CLCA4: variants seen among roughly 807,000 people sequenced by gnomAD.
The protein encoded by CLCA4 is chloride channel accessory 4.
In CLCA4, 69 loss-of-function variants were observed where a neutral mutation model predicts 78.9. The observed-to-expected ratio is 0.87, with a 90% CI of 0.72 to 1.07. CLCA4 has a LOEUF of 1.07. Among genes scored for constraint, CLCA4 ranks in the 50% least tolerant of loss-of-function variants. The pLI is 0.00. For missense variants in CLCA4, 1,133 were observed against 1,095.8 expected (o/e 1.03, Z -0.48); for synonymous variants, 362 against 375.8 (o/e 0.96, Z 0.42).
intron 1 of CLCA4, chr1:86,553,179 T>C (rs1309081765): frequency 6.2e-6 from 7 of 1,135,112 alleles, no homozygotes; most frequent in East Asian, 2.4e-5. Flanking sequence ...GCGGCACAGG[T>C]TGGGCTCCAC....
intron 1 of CLCA4, chr1:86,552,513 G>A (rs1649695835): frequency 2.0e-6 from 1 of 506,902 alleles, no homozygotes. Flanking sequence ...AGAATCAGCA[G>A]ACAGGGCAGC....
rs1043323690 is a variant in CLCA4 at position 86,567,768 on chromosome 1, G to A, written c.1182+117G>A. The stretch of plus-strand genomic sequence containing the variant: ...AATTTTAACATAACTAATCCTAAGA[G>A]GCACAGGACTAAGCATATAGAAAAA... On this transcript the variant is annotated intron_variant, in intron 7 of 13. Coordinates refer to ENST00000370563, the MANE Select transcript of CLCA4 (RefSeq NM_012128.4). The A allele has an allele frequency of 7.6e-6, 6 of 787,392 alleles. No individual in the cohort carries two copies. The East Asian group carries it at 1.3e-4, about 18-fold the overall frequency. The allele number at this position is 787,392 out of a possible 1,614,324, so 48.8% of individuals were successfully genotyped here.
At chr1:86,556,569 C>T (rs1649851714) in intron 1 of CLCA4, among the ~76,000 whole-genome samples, 1 of 152,094 alleles carries the variant, frequency 6.6e-6, no homozygotes, top group African/African-American at 2.4e-5. Flanking sequence ...TTTTGGTGAG[C>T]TGCTGGATTC....
rs1570314304 is a variant in CLCA4 at position 86,547,111 on chromosome 1, A to T, written c.-9A>T. On this transcript the variant is annotated 5_prime_UTR_variant, in exon 1 of 14. Coordinates refer to ENST00000370563, the MANE Select transcript of CLCA4 (RefSeq NM_012128.4). ...CAACATTTGAGCCAGGAATAACTAG[A>T]GAGGAACAATGGGGTTATTCAGAGG... is the stretch of plus-strand genomic sequence containing the variant. The T allele has an allele frequency of 1.9e-6, 3 of 1,596,758 alleles. No homozygotes were observed. The East Asian group carries it at 6.7e-5, about 36-fold the overall frequency.
chr1:86,567,947 T>C (rs533248900), intron 7 of CLCA4, among the ~76,000 whole-genome samples: 136 of 152,148 alleles, frequency 8.9e-4, no homozygotes, highest in African/African-American at 3.0e-3. Context: ...AAATGTTAGT[T>C]AAATAAGTGT....
intron 1 of CLCA4, chr1:86,552,961 C>T (rs1649710955): frequency 6.3e-6 from 4 of 631,844 alleles, no homozygotes; most frequent in Non-Finnish European, 1.1e-5. Context: ...GGTGACTGGG[C>T]AAAGGTTAGA....
intron 1 of CLCA4, among the ~76,000 whole-genome samples, chr1:86,554,225 A>G (rs1362139762): frequency 1.3e-5 from 2 of 152,122 alleles, no homozygotes; most frequent in African/African-American, 4.8e-5. Context: ...ACCTCCCATT[A>G]TAAGTGAGAA....
chr1:86,556,551 G>T (rs1649850999), intron 1 of CLCA4, among the ~76,000 whole-genome samples: 1 of 152,142 alleles, frequency 6.6e-6, no homozygotes, highest in African/African-American at 2.4e-5. Flanking sequence ...GATCATGGTG[G>T]ATTTGCTTTT....
At chr1:86,577,386 G>A (rs1650550892) in intron 11 of CLCA4, among the ~76,000 whole-genome samples, 2 of 152,052 alleles carry the variant, frequency 1.3e-5, no homozygotes, top group African/African-American at 4.8e-5. Flanking sequence ...AGAATGCTGG[G>A]ACCTTTCCCT....
chr1:86,562,626 G>T (rs1441515061), intron 3 of CLCA4, among the ~76,000 whole-genome samples: 2 of 151,170 alleles, frequency 1.3e-5, no homozygotes, highest in African/African-American at 4.8e-5. Flanking sequence ...ACGCTGAGGC[G>T]GGCAGATCAC....
chr1:86,580,664 T>C lies in CLCA4; in HGVS notation c.*319T>C. 1 of 199,078 alleles carries C rather than the reference T, an allele frequency of 5.0e-6. No individual in the cohort carries two copies. Among genetic ancestry groups the C allele is most frequent in the South Asian group, 1.9e-4 (1 of 5,366 alleles). The allele number at this position is 199,078 out of a possible 1,614,324, so 12.3% of individuals were successfully genotyped here. A position where few individuals can be genotyped will look rare whatever the true frequency, so the allele number is the denominator to read the frequency against. On this transcript the variant is annotated 3_prime_UTR_variant, in exon 14 of 14. Coordinates refer to ENST00000370563, the MANE Select transcript of CLCA4 (RefSeq NM_012128.4). Reference sequence around the variant, plus strand: ...TTGATGCAACAGTTTTCTGAAATGATATTTCAAATTGCATCAAGAAATTAA... The same window carrying C: ...TTGATGCAACAGTTTTCTGAAATGACATTTCAAATTGCATCAAGAAATTAA...
intron 9 of CLCA4, among the ~76,000 whole-genome samples, chr1:86,573,989 C>G (rs72955627): frequency 0.059 from 8,936 of 152,084 alleles, 339 homozygotes; most frequent in Middle Eastern, 0.14. Flanking sequence ...CTTGATTTAG[C>G]CATTCCACAA....
intron 1 of CLCA4, 37 bp downstream of exon 1, chr1:86,547,315 G>A (rs867090284): frequency 6.8e-7 from 1 of 1,467,590 alleles, no homozygotes; most frequent in Middle Eastern, 2.4e-4. Context: ...TTAATTTTTA[G>A]TTTTTTACTA....
chr1:86,561,634 A>G (rs1650021569), intron 3 of CLCA4, among the ~76,000 whole-genome samples: 1 of 152,148 alleles, frequency 6.6e-6, no homozygotes, highest in African/African-American at 2.4e-5. Flanking sequence ...TAATGTCCTG[A>G]TTGATAAAAC....
At chr1:86,560,447 T>A in intron 3 of CLCA4, 89 bp downstream of exon 3, 1 of 1,327,262 alleles carries the variant, frequency 7.5e-7, no homozygotes. Flanking sequence ...GGGGCCAAAG[T>A]CCCTAGAATC....
chr1:86,573,455 G>A (rs2101815043), intron 9 of CLCA4, among the ~76,000 whole-genome samples: 1 of 151,962 alleles, frequency 6.6e-6, no homozygotes, highest in Non-Finnish European at 1.5e-5. Context: ...ACATGTCTAT[G>A]TCATGTCACT....
chr1:86,561,780 C>T (rs1159936214), intron 3 of CLCA4, among the ~76,000 whole-genome samples: 1 of 152,084 alleles, frequency 6.6e-6, no homozygotes, highest in South Asian at 2.1e-4. Flanking sequence ...TGATTTTTCC[C>T]GTATCCCACA....
rs748278033 is a variant in CLCA4, at chr1:86,579,606, G to A, written c.2356+19G>A. The stretch of plus-strand genomic sequence containing the variant: ...GGAAAAGGTAAGGATGAAGTGTCAT[G>A]TGATTTTGACTTAAGTAAAAGGTGC... On this transcript the variant is annotated intron_variant, in intron 13 of 13. Coordinates refer to ENST00000370563, the MANE Select transcript of CLCA4 (RefSeq NM_012128.4). 7.5e-6 allele frequency: 10 copies of A among 1,332,926 alleles called. No individual in the cohort carries two copies. In the Admixed American group the frequency reaches 9.5e-5, roughly 13 times the overall value. 82.6% of individuals were successfully genotyped at this position (1,332,926 alleles called of 1,614,324 possible).
chr1:86,578,051 A>G lies in CLCA4; in HGVS notation c.2101A>G (p.Ile701Val), dbSNP rs1650578107. 3.7e-6 allele frequency: 6 copies of G among 1,611,870 alleles called. No homozygotes were observed. The highest frequency in any genetic ancestry group is 5.1e-6 in the Non-Finnish European group (6 of 1,178,990). Residue 701 changes from isoleucine (I) to valine (V), a missense_variant, in exon 12 of 14, where the codon ATA becomes GTA. By Grantham distance (29) the Ile-to-Val change is conservative. Coordinates refer to ENST00000370563, the MANE Select transcript of CLCA4 (RefSeq NM_012128.4). Reference protein sequence around the residue: ...LRPPLNRAAYIPGWVVNGEIE... With the variant: ...LRPPLNRAAYVPGWVVNGEIE... ...GCCTCCACTGAATAGAGCCGCGTAC[A>G]TACCAGGCTGGGTAGTGAACGGTGA...
Sources: gnomAD v4.1 joint callset for allele counts (sites outside exome capture counted in the v4.1 genomes callset) on GRCh38, gnomAD v4.1.1 for gene constraint, MANE v1.5 for transcripts, NCBI Gene and HGNC (gene_info 2026-07-23, HGNC 2026-07-21) for gene names.